The following WWOX variants were observed in gnomAD, a reference collection of about 807,000 sequenced individuals.
WWOX encodes the protein WW domain containing oxidoreductase.
In WWOX, 69 loss-of-function variants were observed where a neutral mutation model predicts 46.2. The ratio of observed to expected loss-of-function variants is 1.49; its 90% CI spans 1.23 to 1.82. WWOX has a LOEUF of 1.82. Ranked by LOEUF, WWOX falls within the 40% of genes most tolerant of loss-of-function variation. The pLI is 0.00. For missense variants in WWOX, 919 were observed against 542.6 expected (o/e 1.69, Z -6.89); for synonymous variants, 359 against 202.6 (o/e 1.77, Z -6.56).
At chr16:78,172,229 C>G (rs931005055) in intron 5 of WWOX, among the ~76,000 whole-genome samples, 2 of 152,196 alleles carry the variant, frequency 1.3e-5, no homozygotes, top group African/African-American at 4.8e-5. Flanking sequence ...ATCCGCTGCG[C>G]TTCTTGTAAT....
intron 8 of WWOX, among the ~76,000 whole-genome samples, chr16:79,152,327 T>G (rs920349085): frequency 6.6e-6 from 1 of 151,184 alleles, no homozygotes; most frequent in Non-Finnish European, 1.5e-5. Flanking sequence ...GAATCAGGAG[T>G]GGAAGAGGAG....
chr16:78,586,512 C>A (rs1435129715), intron 8 of WWOX, among the ~76,000 whole-genome samples: 1 of 152,164 alleles, frequency 6.6e-6, no homozygotes, highest in Admixed American at 6.5e-5. Flanking sequence ...CTGTTTTACT[C>A]ATTGTCTAAT....
chr16:78,721,910 C>T (rs981759742), intron 8 of WWOX, among the ~76,000 whole-genome samples: 2 of 152,228 alleles, frequency 1.3e-5, no homozygotes, highest in East Asian at 3.9e-4. Flanking sequence ...GTCACAATCT[C>T]AGGAAACCCA....
intron 6 of WWOX, among the ~76,000 whole-genome samples, chr16:78,394,654 A>G (rs1434325697): frequency 1.3e-5 from 2 of 152,222 alleles, no homozygotes; most frequent in Non-Finnish European, 1.5e-5. Context: ...AATATTTGAG[A>G]ATTTTCAGAC....
intron 8 of WWOX, among the ~76,000 whole-genome samples, chr16:78,772,395 G>A (rs2050086773): frequency 6.6e-6 from 1 of 152,174 alleles, no homozygotes; most frequent in African/African-American, 2.4e-5. Flanking sequence ...TGGCTGCATA[G>A]TATTCCATGG....
At chr16:78,958,267 A>G (rs1344808693) in intron 8 of WWOX, among the ~76,000 whole-genome samples, 1 of 152,184 alleles carries the variant, frequency 6.6e-6, no homozygotes, top group Non-Finnish European at 1.5e-5. Flanking sequence ...TTTTAATGTC[A>G]TCTTTAATTT....
At chr16:78,205,984 C>T (rs1420383002) in intron 5 of WWOX, among the ~76,000 whole-genome samples, 1 of 151,650 alleles carries the variant, frequency 6.6e-6, no homozygotes, top group Admixed American at 6.6e-5. Context: ...TTTCCTCCCT[C>T]CCTTCCTCCC....
At chr16:78,299,998 C>G (rs1023301816) in intron 5 of WWOX, among the ~76,000 whole-genome samples, 2 of 152,266 alleles carry the variant, frequency 1.3e-5, no homozygotes, top group East Asian at 3.9e-4. Context: ...GTTGGTTCAT[C>G]TGTAACAGCT....
At chr16:78,916,182 A>C (rs1438874646) in intron 8 of WWOX, among the ~76,000 whole-genome samples, 1 of 152,202 alleles carries the variant, frequency 6.6e-6, no homozygotes, top group Non-Finnish European at 1.5e-5. Context: ...CACGCTGCAC[A>C]AGGAAGACCT....
At chr16:78,752,546 C>G (rs559273127) in intron 8 of WWOX, among the ~76,000 whole-genome samples, 6 of 152,324 alleles carry the variant, frequency 3.9e-5, no homozygotes, top group South Asian at 4.1e-4. Context: ...GCTGAGATTA[C>G]AGGTGTGAGC....
intron 8 of WWOX, among the ~76,000 whole-genome samples, chr16:78,619,353 C>T (rs1434167034): frequency 9.5e-5 from 8 of 84,106 alleles, no homozygotes; most frequent in South Asian, 4.4e-4. Context: ...CAGAGCAAGA[C>T]GCCATCTCAA....
intron 5 of WWOX, among the ~76,000 whole-genome samples, chr16:78,313,476 C>T (rs2080289225): frequency 6.6e-6 from 1 of 152,206 alleles, no homozygotes; most frequent in Non-Finnish European, 1.5e-5. Context: ...AGCAATTCTC[C>T]TGCCTTGGCC....
chr16:78,105,198 A>C (rs2032062755), intron 1 of WWOX, among the ~76,000 whole-genome samples: 1 of 152,228 alleles, frequency 6.6e-6, no homozygotes, highest in Admixed American at 6.5e-5. Context: ...GCAGTGGTTC[A>C]CGCCTGTAAT....
chr16:79,020,007 G>A (rs2047499349), intron 8 of WWOX, among the ~76,000 whole-genome samples: 1 of 152,190 alleles, frequency 6.6e-6, no homozygotes, highest in Non-Finnish European at 1.5e-5. Flanking sequence ...GTGGGGAAGA[G>A]CTCATCATTA....
At chr16:78,377,147 A>G (rs1367950473) in intron 5 of WWOX, among the ~76,000 whole-genome samples, 1 of 152,254 alleles carries the variant, frequency 6.6e-6, no homozygotes, top group Non-Finnish European at 1.5e-5. Context: ...TATTCAGAAT[A>G]TACAGACTGT....
At chr16:78,927,384 C>A (rs2045522880) in intron 8 of WWOX, among the ~76,000 whole-genome samples, 1 of 152,112 alleles carries the variant, frequency 6.6e-6, no homozygotes, top group Non-Finnish European at 1.5e-5. Context: ...ATGGAGCAGA[C>A]CATCAATAAC....
chr16:79,001,503 C>G (rs938015976), intron 8 of WWOX, among the ~76,000 whole-genome samples: 3 of 152,040 alleles, frequency 2.0e-5, no homozygotes, highest in African/African-American at 7.3e-5. Flanking sequence ...TGTGTAATAC[C>G]CAGTAGAGAA....
At chr16:78,599,302 A>G (rs1386133498) in intron 8 of WWOX, among the ~76,000 whole-genome samples, 2 of 150,796 alleles carry the variant, frequency 1.3e-5, no homozygotes, top group Non-Finnish European at 2.9e-5. Flanking sequence ...CAGGGGCTTT[A>G]AATTAATTAA....
intron 8 of WWOX, among the ~76,000 whole-genome samples, chr16:78,833,613 C>T (rs1002193065): frequency 1.3e-5 from 2 of 152,216 alleles, no homozygotes; most frequent in Non-Finnish European, 2.9e-5. Context: ...TAATTTACTG[C>T]ACATATGTTC....
Sources: gnomAD v4.1 joint callset for allele counts (sites outside exome capture counted in the v4.1 genomes callset) on GRCh38, gnomAD v4.1.1 for gene constraint, MANE v1.5 for transcripts, NCBI Gene and HGNC (gene_info 2026-07-23, HGNC 2026-07-21) for gene names.